The following ASIP variants were observed in gnomAD, a reference collection of about 807,000 sequenced individuals.
ASIP encodes agouti signaling protein, also known as agouti-signaling protein.
ASIP carries 11 observed loss-of-function variants against 10.3 expected under a neutral mutation model. That is an observed-to-expected ratio of 1.07 (90% CI 0.68 to 1.78). The LOEUF is 1.78. Among genes scored for constraint, ASIP ranks in the 40% most tolerant of loss-of-function variants. The pLI is 0.00. For synonymous variants in ASIP, 70 were observed against 70.8 expected (o/e 0.99, Z 0.06); for missense variants, 180 against 169.2 (o/e 1.06, Z -0.35).
intron 3 of ASIP, 93 bp downstream of exon 3, chr20:34,262,986 A>G (rs901510056): frequency 4.1e-6 from 6 of 1,460,884 alleles, no homozygotes; most frequent in Admixed American, 1.9e-5. Flanking sequence ...GAACTAAATG[A>G]AAGATTTTTC....
intron 1 of ASIP, among the ~76,000 whole-genome samples, chr20:34,196,741 G>A (rs905124603): frequency 6.6e-6 from 1 of 152,130 alleles, no homozygotes; most frequent in Admixed American, 6.5e-5. Context: ...ACTCCCTAGA[G>A]CCCTTAGAGG....
intron 2 of ASIP, 137 bp from the exon 3 acceptor site, chr20:34,262,695 C>A: frequency 2.2e-6 from 2 of 891,112 alleles, no homozygotes; most frequent in Non-Finnish European, 3.6e-6. Context: ...TTGAGTCCTA[C>A]AGTGTGACTC....
chr20:34,233,851 A>G (rs2035143800), intron 1 of ASIP, among the ~76,000 whole-genome samples: 2 of 152,224 alleles, frequency 1.3e-5, no homozygotes, highest in Admixed American at 6.5e-5. Flanking sequence ...CAGGAATGAG[A>G]TACCAGTGGA....
chr20:34,206,956 A>G (rs2034941293), intron 1 of ASIP, among the ~76,000 whole-genome samples: 1 of 152,230 alleles, frequency 6.6e-6, no homozygotes, highest in Admixed American at 6.5e-5. Flanking sequence ...TAGGGCTGCA[A>G]TAAACATGGG....
upstream of ASIP, among the ~76,000 whole-genome samples, chr20:34,238,176 T>C (rs560802706): frequency 9.2e-5 from 14 of 152,208 alleles, no homozygotes; most frequent in Middle Eastern, 3.2e-3. Flanking sequence ...TGGATGTTTA[T>C]ATTCATATCT....
chr20:34,222,630 C>CTCTCCCTCTCCCTCTCCG (rs758141447), intron 1 of ASIP, among the ~76,000 whole-genome samples: 18 of 126,474 alleles, frequency 1.4e-4, no homozygotes, highest in Admixed American at 2.9e-4. Flanking sequence ...AAGTTACTCC[C>CTCTCCCTCTCCCTCTCCG]TCTCCCTCTC....
intron 1 of ASIP, among the ~76,000 whole-genome samples, chr20:34,227,837 G>A (rs956769857): frequency 2.0e-5 from 3 of 152,142 alleles, no homozygotes; most frequent in Non-Finnish European, 4.4e-5. Context: ...AAAAAGAACA[G>A]TTTGAAGACT....
upstream of ASIP, among the ~76,000 whole-genome samples, chr20:34,191,048 G>A (rs2034821864): frequency 6.6e-6 from 1 of 152,198 alleles, no homozygotes; most frequent in Non-Finnish European, 1.5e-5. Flanking sequence ...GCTCCTGAGA[G>A]GCACAGTTCA....
At chr20:34,246,414 A>G in intron 1 of ASIP, 2 of 1,367,010 alleles carry the variant, frequency 1.5e-6, no homozygotes, top group South Asian at 1.2e-5. Flanking sequence ...ATATATTCAC[A>G]GTACTCTGTT....
intron 1 of ASIP, among the ~76,000 whole-genome samples, chr20:34,223,194 C>G (rs1219991403): frequency 6.6e-6 from 1 of 151,920 alleles, no homozygotes; most frequent in Admixed American, 6.6e-5. Context: ...AGCGCCTCTT[C>G]CCAGCCGCCA....
In ASIP at chr20:34,220,809, T is replaced by C. The variant is rs185916419; in HGVS notation, c.-11+26049T>C. 1.4e-3 allele frequency among the ~76,000 whole-genome samples: 206 copies of C among 152,232 alleles called. 1 individual carries two copies. Among genetic ancestry groups the C allele is most frequent in the African/African-American group, 4.8e-3 (198 of 41,548 alleles). ...ATTATATGGTACCATAGAAAGTCAA[T>C]GACTCATGATTGATGTATTTCCTGA... On this transcript the variant is annotated intron_variant, in intron 1 of 3. Coordinates refer to the ASIP transcript ENST00000568305.
chr20:34,213,349 CAG>C (rs1365816844), intron 1 of ASIP: 3 of 517,142 alleles, frequency 5.8e-6, no homozygotes, highest in Non-Finnish European at 1.0e-5. Context: ...GCTTTTATAG[CAG>C]CACAAAACAG....
intron 1 of ASIP, among the ~76,000 whole-genome samples, chr20:34,235,883 A>AGG (rs2035189918): frequency 9.8e-6 from 1 of 102,382 alleles, no homozygotes; most frequent in Non-Finnish European, 1.9e-5. Flanking sequence ...GGAAGGAAGG[A>AGG]AGGAAGGAAG....
At chr20:34,265,913 G>T (rs6120585) in intron 3 of ASIP, among the ~76,000 whole-genome samples, 17,192 of 149,754 alleles carry the variant, frequency 0.11, 3,314 homozygotes, top group African/African-American at 0.39. Context: ...TCACACCACT[G>T]CACCCTAGCC....
At chr20:34,189,353 C>G in the ASIP span, among the ~76,000 whole-genome samples, 2 of 152,140 alleles carry the variant, frequency 1.3e-5, no homozygotes, top group Non-Finnish European at 2.9e-5. Flanking sequence ...AGTGATTCTC[C>G]TGCCTCAGCC....
intron 1 of ASIP, among the ~76,000 whole-genome samples, chr20:34,241,942 CAG>C (rs2035289932): frequency 6.6e-6 from 1 of 152,138 alleles, no homozygotes; most frequent in Admixed American, 6.5e-5. Flanking sequence ...AGAGATGAAA[CAG>C]ATGACCAAAA....
chr20:34,220,915 C>CTGTTGTG (rs2035042065), intron 1 of ASIP, among the ~76,000 whole-genome samples: 1 of 145,062 alleles, frequency 6.9e-6, no homozygotes. Context: ...AGCCCATTCT[C>CTGTTGTG]TGTTGTGTGG....
intron 1 of ASIP, chr20:34,214,586 G>A (rs1215687661): frequency 1.3e-5 from 18 of 1,360,824 alleles, no homozygotes; most frequent in Middle Eastern, 2.5e-4. Flanking sequence ...AAAACTCTGC[G>A]AACAGAGGCC....
intron 1 of ASIP, among the ~76,000 whole-genome samples, chr20:34,232,083 C>G (rs1337752616): frequency 6.6e-6 from 1 of 152,176 alleles, no homozygotes; most frequent in Non-Finnish European, 1.5e-5. Context: ...AACACAAAGG[C>G]CCAGATGAAG....
Sources: gnomAD v4.1 joint callset for allele counts (sites outside exome capture counted in the v4.1 genomes callset) on GRCh38, gnomAD v4.1.1 for gene constraint, MANE v1.5 for transcripts, NCBI Gene and HGNC (gene_info 2026-07-23, HGNC 2026-07-21) for gene names.